STXBP6: variants seen among roughly 807,000 people sequenced by gnomAD.
STXBP6 encodes the protein syntaxin binding protein 6.
A neutral mutation model predicts 26.9 loss-of-function variants in STXBP6; 21 were observed. The ratio of observed to expected loss-of-function variants is 0.78; its 90% CI spans 0.55 to 1.12. The LOEUF is 1.12. Among genes scored for constraint, STXBP6 ranks in the 50% most tolerant of loss-of-function variants. The pLI is 0.00. For missense variants in STXBP6, 232 were observed against 257.9 expected (o/e 0.90, Z 0.69); for synonymous variants, 97 against 92.6 (o/e 1.05, Z -0.27).
intron 2 of STXBP6, among the ~76,000 whole-genome samples, chr14:24,934,092 GA>G (rs2072516438): frequency 6.6e-6 from 1 of 152,048 alleles, no homozygotes; most frequent in Non-Finnish European, 1.5e-5. Context: ...TCCCACAAAA[GA>G]TAACTGTTAC....
chr14:24,974,415 C>T (rs747242838), intron 2 of STXBP6, among the ~76,000 whole-genome samples: 10 of 152,148 alleles, frequency 6.6e-5, no homozygotes, highest in South Asian at 2.1e-4. Flanking sequence ...AACAAGTCTG[C>T]GAAACATTTT....
chr14:24,828,777 A>G (rs2068365096), intron 4 of STXBP6, among the ~76,000 whole-genome samples: 1 of 152,218 alleles, frequency 6.6e-6, no homozygotes, highest in Admixed American at 6.5e-5. Flanking sequence ...AGACAACGTG[A>G]CAAATTATAA....
intron 2 of STXBP6, among the ~76,000 whole-genome samples, chr14:24,909,546 C>T (rs943401307): frequency 6.6e-6 from 1 of 151,880 alleles, no homozygotes; most frequent in Non-Finnish European, 1.5e-5. Flanking sequence ...TGTAGGAAGG[C>T]AAGGCAGGTG....
intron 1 of STXBP6, among the ~76,000 whole-genome samples, chr14:24,990,952 G>A (rs1320706434): frequency 1.3e-5 from 2 of 150,820 alleles, no homozygotes; most frequent in Non-Finnish European, 1.5e-5. Context: ...AGAGAGCAGA[G>A]AGAGAAGAAA....
chr14:24,888,003 A>T (rs1011659114), intron 2 of STXBP6, among the ~76,000 whole-genome samples: 1 of 152,240 alleles, frequency 6.6e-6, no homozygotes, highest in African/African-American at 2.4e-5. Context: ...GTTTAAAGAC[A>T]TATAGTACAC....
chr14:24,908,262 G>A (rs1415577529), intron 2 of STXBP6, among the ~76,000 whole-genome samples: 1 of 152,026 alleles, frequency 6.6e-6, no homozygotes, highest in South Asian at 2.1e-4. Flanking sequence ...ACTACTTAGC[G>A]CTCTACATAT....
chr14:24,881,022 C>A (rs190416279), intron 2 of STXBP6, among the ~76,000 whole-genome samples: 16 of 152,338 alleles, frequency 1.1e-4, no homozygotes, highest in Non-Finnish European at 1.9e-4. Flanking sequence ...TATTCTCACA[C>A]ACTTTTCATT....
chr14:24,951,648 T>C (rs1215957429), intron 2 of STXBP6, among the ~76,000 whole-genome samples: 1 of 152,200 alleles, frequency 6.6e-6, no homozygotes, highest in Admixed American at 6.5e-5. Context: ...AACTCTATTA[T>C]ATTACATGGC....
At chr14:24,872,797 G>A (rs892144301) in intron 2 of STXBP6, among the ~76,000 whole-genome samples, 4 of 152,164 alleles carry the variant, frequency 2.6e-5, no homozygotes, top group African/African-American at 7.2e-5. Context: ...CAAATCTAAC[G>A]TGTGTCCATC....
At chr14:24,972,074 T>C (rs1473435703) in intron 2 of STXBP6, among the ~76,000 whole-genome samples, 1 of 152,150 alleles carries the variant, frequency 6.6e-6, no homozygotes, top group East Asian at 1.9e-4. Context: ...ACTGCAAAAA[T>C]CTTGGGTGTC....
At chr14:24,904,439 T>C (rs2071318433) in intron 2 of STXBP6, among the ~76,000 whole-genome samples, 1 of 152,222 alleles carries the variant, frequency 6.6e-6, no homozygotes, top group African/African-American at 2.4e-5. Context: ...TTACTTTTAA[T>C]GGCGAACCCG....
chr14:24,811,667 C>T lies in STXBP6; in HGVS notation c.*1042G>A, dbSNP rs1021372770. 2 of 152,070 alleles carry T rather than the reference C, an allele frequency of 1.3e-5. No individual in the cohort carries two copies. Among genetic ancestry groups the T allele is most frequent in the Non-Finnish European group, 2.9e-5 (2 of 68,018 alleles). 9.4% of individuals were successfully genotyped at this position (152,070 alleles called of 1,614,324 possible). A position where few individuals can be genotyped will look rare whatever the true frequency, so the allele number is the denominator to read the frequency against. On this transcript the variant is annotated 3_prime_UTR_variant, in exon 6 of 6. Transcript: ENST00000323944. Reference sequence around the variant, plus strand: ...GTCAAGAAACTCACATATTAAATTACATTAAATAAATAGATAGCAAAAACA... The same window carrying T: ...GTCAAGAAACTCACATATTAAATTATATTAAATAAATAGATAGCAAAAACA...
rs138321590 is a variant in STXBP6, at chr14:24,887,896, C to T, written c.155-30739G>A. ...TACTAGCAGTGAGGGAAGGAAATTG[C>T]TGCATATTTTAGGACACACTGCATT... On this transcript the variant is annotated intron_variant, in intron 2 of 5. Coordinates refer to ENST00000323944, the MANE Select transcript of STXBP6 (RefSeq NM_001394410.1). Among the ~76,000 whole-genome samples, 211 of 152,312 alleles carry T rather than the reference C, an allele frequency of 1.4e-3. No homozygotes were observed. The East Asian group carries it at 0.016, about 12-fold the overall frequency.
chr14:24,959,212 T>C (rs1233129597), intron 2 of STXBP6, among the ~76,000 whole-genome samples: 1 of 152,256 alleles, frequency 6.6e-6, no homozygotes, highest in African/African-American at 2.4e-5. Flanking sequence ...ATTATTTCTT[T>C]ACTAACATAT....
chr14:24,909,617 C>CA (rs1024295477), intron 2 of STXBP6, among the ~76,000 whole-genome samples: 1 of 151,400 alleles, frequency 6.6e-6, no homozygotes, highest in Non-Finnish European at 1.5e-5. Context: ...CCCAACTGTA[C>CA]AAAAAAATAG....
At chr14:25,048,154 A>G (rs539844404) in intron 1 of STXBP6, among the ~76,000 whole-genome samples, 1 of 152,354 alleles carries the variant, frequency 6.6e-6, no homozygotes, top group East Asian at 1.9e-4. Context: ...GAGAAGACCT[A>G]GATGTCTTGT....
At chr14:24,908,918 T>C (rs576705559) in intron 2 of STXBP6, among the ~76,000 whole-genome samples, 1 of 152,292 alleles carries the variant, frequency 6.6e-6, no homozygotes, top group Non-Finnish European at 1.5e-5. Flanking sequence ...CAAGGACAAG[T>C]TAATGGGATT....
intron 5 of STXBP6, among the ~76,000 whole-genome samples, chr14:24,813,811 C>T (rs951792067): frequency 1.3e-5 from 2 of 152,186 alleles, no homozygotes; most frequent in Non-Finnish European, 2.9e-5. Flanking sequence ...CCCAGGGCAA[C>T]CTGAGTCTTC....
At chr14:24,818,129 G>A (rs1415579861) in intron 5 of STXBP6, 1 of 456,606 alleles carries the variant, frequency 2.2e-6, no homozygotes, top group Admixed American at 2.3e-5. Context: ...GTATTTGAAG[G>A]GCCAGATCAT....
Sources: gnomAD v4.1 joint callset for allele counts (sites outside exome capture counted in the v4.1 genomes callset) on GRCh38, gnomAD v4.1.1 for gene constraint, MANE v1.5 for transcripts, NCBI Gene and HGNC (gene_info 2026-07-23, HGNC 2026-07-21) for gene names.